Variants in NTNG1 observed in about 807,000 individuals in gnomAD.
NTNG1 encodes netrin-G1.
Under a neutral mutation model 54.0 loss-of-function variants are expected in NTNG1, and 16 were observed. That is an observed-to-expected ratio of 0.30 (90% confidence interval 0.20 to 0.45). NTNG1 has a LOEUF of 0.45. Among genes scored for constraint, NTNG1 ranks in the 20% least tolerant of loss-of-function variants. The pLI is 1.00. For missense variants in NTNG1, 530 were observed against 678.7 expected, an observed-to-expected ratio of 0.78 and a Z score of 2.43; for synonymous variants, 255 against 263.1, an observed-to-expected ratio of 0.97 and a Z score of 0.30.
intron 2 of NTNG1, among the ~76,000 whole-genome samples, chr1:107,219,989 C>G (rs1390354843): frequency 6.6e-6 from 1 of 152,136 alleles, no homozygotes; most frequent in Non-Finnish European, 1.5e-5. Context: ...CTTTGGCTAC[C>G]AGGGTGAGTA....
At chr1:107,147,152 T>C (rs1373731265) in intron 1 of NTNG1, among the ~76,000 whole-genome samples, 2 of 152,126 alleles carry the variant, frequency 1.3e-5, no homozygotes, top group African/African-American at 4.8e-5. Context: ...GCCATAGTTA[T>C]GTAGGATGCA....
chr1:107,154,558 T>C (rs1443205770), intron 2 of NTNG1, among the ~76,000 whole-genome samples: 1 of 123,334 alleles, frequency 8.1e-6, no homozygotes, highest in East Asian at 2.6e-4. Flanking sequence ...ATCATGCCAC[T>C]GCACAACAGC....
chr1:107,302,122 G>T (rs1013840193), intron 2 of NTNG1, among the ~76,000 whole-genome samples: 2 of 152,116 alleles, frequency 1.3e-5, no homozygotes, highest in African/African-American at 4.8e-5. Flanking sequence ...CAGAACCTAA[G>T]ATCTTTTTGG....
intron 3 of NTNG1, among the ~76,000 whole-genome samples, chr1:107,353,269 A>G (rs1311374246): frequency 6.6e-6 from 1 of 152,142 alleles, no homozygotes; most frequent in African/African-American, 2.4e-5. Flanking sequence ...GCCCACACAT[A>G]TCAGCCAAAA....
At chr1:107,382,949 C>T (rs1189985836) in intron 3 of NTNG1, among the ~76,000 whole-genome samples, 1 of 152,062 alleles carries the variant, frequency 6.6e-6, no homozygotes, top group East Asian at 1.9e-4. Context: ...TAGAAGAAAG[C>T]TATTTTCCCC....
intron 2 of NTNG1, among the ~76,000 whole-genome samples, chr1:107,291,045 C>A (rs1665571162): frequency 1.3e-5 from 2 of 148,740 alleles, no homozygotes; most frequent in South Asian, 2.1e-4. Flanking sequence ...GACTCTTGAA[C>A]AACACACATT....
intron 3 of NTNG1, among the ~76,000 whole-genome samples, chr1:107,355,651 C>T (rs1487336404): frequency 1.3e-5 from 2 of 152,142 alleles, no homozygotes; most frequent in African/African-American, 4.8e-5. Context: ...ACAACATTTA[C>T]AGGAAGTGTG....
intron 3 of NTNG1, among the ~76,000 whole-genome samples, chr1:107,346,905 A>ATG (rs1669277504): frequency 2.0e-5 from 3 of 151,876 alleles, no homozygotes; most frequent in Admixed American, 2.0e-4. Context: ...AAAAAAAAAA[A>ATG]AAAATGAAAA....
intron 7 of NTNG1, among the ~76,000 whole-genome samples, chr1:107,470,380 G>C (rs1011927607): frequency 2.6e-5 from 4 of 152,108 alleles, no homozygotes; most frequent in African/African-American, 7.2e-5. Flanking sequence ...AGAGTGAAAA[G>C]TATAAAGATG....
At chr1:107,472,794 C>T (rs996507359) in intron 7 of NTNG1, among the ~76,000 whole-genome samples, 2 of 152,012 alleles carry the variant, frequency 1.3e-5, no homozygotes, top group African/African-American at 4.8e-5. Flanking sequence ...AGAATTCCAA[C>T]CACAACAACA....
intron 2 of NTNG1, among the ~76,000 whole-genome samples, chr1:107,167,209 G>C (rs1655862368): frequency 6.6e-6 from 1 of 151,838 alleles, no homozygotes; most frequent in Non-Finnish European, 1.5e-5. Flanking sequence ...TTACAGAACA[G>C]ATCTTCATAA....
intron 4 of NTNG1, among the ~76,000 whole-genome samples, chr1:107,398,056 C>A (rs984980890): frequency 3.3e-5 from 5 of 151,826 alleles, no homozygotes; most frequent in African/African-American, 1.2e-4. Flanking sequence ...GATATATCAT[C>A]CCCTAACATA....
intron 5 of NTNG1, among the ~76,000 whole-genome samples, chr1:107,413,641 C>A (rs1422950898): frequency 6.6e-6 from 1 of 152,058 alleles, no homozygotes; most frequent in Admixed American, 6.6e-5. Context: ...TCGTGGTATC[C>A]TGTTTCTCAC....
rs570640912 is a variant in NTNG1 at position 107,431,039 on chromosome 1, A to G, written c.1255+122A>G. 6.2e-6 allele frequency: 5 copies of G among 806,952 alleles called. No homozygotes were observed. The East Asian group carries it at 1.3e-4, about 22-fold the overall frequency. The allele number at this position is 806,952 out of a possible 1,614,324, so 50.0% of individuals were successfully genotyped here. On this transcript the variant is annotated intron_variant, in intron 6 of 7. Coordinates refer to ENST00000370068, the MANE Select transcript of NTNG1 (RefSeq NM_001113226.3). ...CCAGAATGAACTTTCTCAATGTAGA[A>G]AATATCCTATGGTAGATTTCACTTG... is the stretch of plus-strand genomic sequence containing the variant.
At chr1:107,433,019 A>ATAAAC (rs1163411508) in intron 6 of NTNG1, among the ~76,000 whole-genome samples, 2 of 152,186 alleles carry the variant, frequency 1.3e-5, no homozygotes, top group Non-Finnish European at 2.9e-5. Flanking sequence ...TTTAAATCAG[A>ATAAAC]TAAACTACAG....
chr1:107,296,335 T>C (rs1665939231), intron 2 of NTNG1, among the ~76,000 whole-genome samples: 1 of 152,090 alleles, frequency 6.6e-6, no homozygotes, highest in Non-Finnish European at 1.5e-5. Context: ...ACTCAGGACC[T>C]AGAGGACAAG....
chr1:107,220,605 G>A (rs765521329), intron 2 of NTNG1, among the ~76,000 whole-genome samples: 1 of 152,210 alleles, frequency 6.6e-6, no homozygotes, highest in Non-Finnish European at 1.5e-5. Flanking sequence ...TAGTAGTTGT[G>A]TGAATGGGGC....
At chr1:107,227,678 T>G (rs917049488) in intron 2 of NTNG1, among the ~76,000 whole-genome samples, 1 of 151,460 alleles carries the variant, frequency 6.6e-6, no homozygotes, top group East Asian at 1.9e-4. Flanking sequence ...TCTCTCTCTC[T>G]CTCTCTCTCT....
At chr1:107,460,609 G>A (rs370872904) in intron 7 of NTNG1, among the ~76,000 whole-genome samples, 4 of 152,102 alleles carry the variant, frequency 2.6e-5, no homozygotes, top group Non-Finnish European at 4.4e-5. Context: ...GTAATTATTC[G>A]ATAGCTTCTT....
Sources: gnomAD v4.1 joint callset for allele counts (sites outside exome capture counted in the v4.1 genomes callset) on GRCh38, gnomAD v4.1.1 for gene constraint, MANE v1.5 for transcripts, NCBI Gene and HGNC (gene_info 2026-07-23, HGNC 2026-07-21) for gene names.